RBFOX1: variants seen among roughly 807,000 people sequenced by gnomAD.
The protein encoded by RBFOX1 is RNA binding protein fox-1 homolog 1.
RBFOX1 carries 8 observed loss-of-function variants against 57.7 expected under a neutral mutation model. The observed-to-expected ratio is 0.14, with a 90% CI of 0.08 to 0.25. The LOEUF (loss-of-function observed/expected upper bound fraction) is 0.25, where lower values mean the gene tolerates loss of function less well. RBFOX1 is among the 10% of genes least tolerant of loss of function. The pLI, the probability that RBFOX1 is intolerant of heterozygous loss-of-function variation, is 1.00. For missense variants in RBFOX1, 611 were observed against 548.5 expected, an observed-to-expected ratio of 1.11 and a Z score of -1.14; for synonymous variants, 326 against 222.4, an observed-to-expected ratio of 1.47 and a Z score of -4.15.
At position 5,403,620 on chromosome 16, in the gene RBFOX1, AT is replaced by A. The variant is rs923832116; in HGVS notation, c.220-63591del. On this transcript the variant is annotated intron_variant, in intron 1 of 2. Coordinates refer to the RBFOX1 transcript ENST00000585867. ...ACACCATGCCCAGCTAATTTTTTGT[AT>A]TTTTAATAGAGACGAGGTTTCGCCA... Among the ~76,000 whole-genome samples, 252 of 151,948 alleles carry A rather than the reference AT, an allele frequency of 1.7e-3. 2 individuals carry two copies. Among genetic ancestry groups the A allele is most frequent in the African/African-American group, 5.5e-3 (229 of 41,456 alleles).
intron 2 of RBFOX1, among the ~76,000 whole-genome samples, chr16:6,379,232 T>C (rs1191943458): frequency 6.6e-6 from 1 of 152,010 alleles, no homozygotes; most frequent in African/African-American, 2.4e-5. Flanking sequence ...CTGCATCAAA[T>C]GGAGAATTCA....
intron 4 of RBFOX1, among the ~76,000 whole-genome samples, chr16:7,464,185 C>G: frequency 6.6e-6 from 1 of 152,170 alleles, no homozygotes. Context: ...ACAGACCACT[C>G]CAAGACATGT....
chr16:5,306,262 G>A (rs185122303), intron 1 of RBFOX1, among the ~76,000 whole-genome samples: 3 of 151,896 alleles, frequency 2.0e-5, no homozygotes, highest in East Asian at 3.9e-4. Flanking sequence ...CAGTGATTTG[G>A]ATAACAGTCC....
chr16:5,936,749 A>C (rs892673930), intron 4 of RBFOX1, among the ~76,000 whole-genome samples: 1 of 152,180 alleles, frequency 6.6e-6, no homozygotes, highest in Non-Finnish European at 1.5e-5. Context: ...TTGGAAATGG[A>C]GAAAAGAGCT....
chr16:6,989,810 G>T (rs182529032), intron 3 of RBFOX1, among the ~76,000 whole-genome samples: 1 of 152,204 alleles, frequency 6.6e-6, no homozygotes, highest in Admixed American at 6.5e-5. Context: ...AACTAGCCTG[G>T]CTAACATGGT....
intron 4 of RBFOX1, among the ~76,000 whole-genome samples, chr16:7,324,998 C>T (rs2096592877): frequency 6.6e-6 from 1 of 152,150 alleles, no homozygotes; most frequent in Non-Finnish European, 1.5e-5. Context: ...TTGTTTGGGA[C>T]ATAGAAGAAG....
intron 3 of RBFOX1, among the ~76,000 whole-genome samples, chr16:6,753,029 T>C (rs751964150): frequency 6.6e-6 from 1 of 152,150 alleles, no homozygotes; most frequent in African/African-American, 2.4e-5. Flanking sequence ...TCAAAATTTA[T>C]TGTAACTTTT....
chr16:6,519,898 C>A (rs1323213032), intron 2 of RBFOX1, among the ~76,000 whole-genome samples: 1 of 152,194 alleles, frequency 6.6e-6, no homozygotes, highest in Non-Finnish European at 1.5e-5. Context: ...TATACCAGAA[C>A]TGTGGGTTTG....
intron 1 of RBFOX1, among the ~76,000 whole-genome samples, chr16:6,084,718 C>G (rs552561801): frequency 6.6e-6 from 1 of 152,104 alleles, no homozygotes; most frequent in South Asian, 2.1e-4. Flanking sequence ...TAAGGTCAGG[C>G]ATTCTAGGGT....
chr16:7,396,215 A>G (rs2098136646), intron 4 of RBFOX1, among the ~76,000 whole-genome samples: 1 of 152,168 alleles, frequency 6.6e-6, no homozygotes, highest in Admixed American at 6.5e-5. Flanking sequence ...TGTGTCTCCA[A>G]GAGCAAGGCT....
chr16:5,330,983 G>T (rs541398062), intron 1 of RBFOX1, among the ~76,000 whole-genome samples: 1 of 152,028 alleles, frequency 6.6e-6, no homozygotes, highest in African/African-American at 2.4e-5. Flanking sequence ...CTCTCTGGTG[G>T]TTTTTTTCCA....
At chr16:7,027,892 G>C (rs2041460570) in intron 3 of RBFOX1, among the ~76,000 whole-genome samples, 1 of 151,476 alleles carries the variant, frequency 6.6e-6, no homozygotes, top group Non-Finnish European at 1.5e-5. Flanking sequence ...AAAAAGAAGG[G>C]AGAAGAGAAG....
chr16:5,542,366 A>T (rs1597457771), intron 2 of RBFOX1, among the ~76,000 whole-genome samples: 1 of 148,548 alleles, frequency 6.7e-6, no homozygotes, highest in South Asian at 2.1e-4. Context: ...CTCCTACCTC[A>T]GCCTCCCGAG....
At chr16:5,723,991 A>G (rs2052035453) in intron 3 of RBFOX1, among the ~76,000 whole-genome samples, 1 of 149,728 alleles carries the variant, frequency 6.7e-6, no homozygotes, top group African/African-American at 2.5e-5. Context: ...AACTCGAAGA[A>G]GAGTGTCGGT....
At chr16:6,386,860 A>C (rs1039979742) in intron 2 of RBFOX1, among the ~76,000 whole-genome samples, 4 of 152,196 alleles carry the variant, frequency 2.6e-5, no homozygotes, top group African/African-American at 9.6e-5. Context: ...GAAGGGAAGT[A>C]TGGGTGGTGA....
chr16:5,407,502 G>T (rs2066898126), intron 1 of RBFOX1, among the ~76,000 whole-genome samples: 1 of 152,120 alleles, frequency 6.6e-6, no homozygotes, highest in African/African-American at 2.4e-5. Context: ...CCAGGATAGT[G>T]AGAGGTACTG....
chr16:7,365,109 A>C (rs80019933), intron 4 of RBFOX1, among the ~76,000 whole-genome samples: 4 of 152,166 alleles, frequency 2.6e-5, no homozygotes, highest in African/African-American at 9.7e-5. Flanking sequence ...ATCCATCCCA[A>C]TACAAACCAT....
chr16:6,493,645 G>A (rs2095687555), intron 2 of RBFOX1, among the ~76,000 whole-genome samples: 1 of 152,048 alleles, frequency 6.6e-6, no homozygotes, highest in African/African-American at 2.4e-5. Flanking sequence ...CCTTTATATA[G>A]CCTTTCAATT....
intron 3 of RBFOX1, among the ~76,000 whole-genome samples, chr16:7,022,229 C>G (rs927876905): frequency 1.3e-5 from 2 of 150,310 alleles, no homozygotes; most frequent in African/African-American, 4.9e-5. Context: ...TTTTTGTATT[C>G]TTTGGTAGAG....
Sources: gnomAD v4.1 joint callset for allele counts (sites outside exome capture counted in the v4.1 genomes callset) on GRCh38, gnomAD v4.1.1 for gene constraint, MANE v1.5 for transcripts, NCBI Gene and HGNC (gene_info 2026-07-23, HGNC 2026-07-21) for gene names.